TSHZ2: variants seen among roughly 807,000 people sequenced by gnomAD.
The protein encoded by TSHZ2 is teashirt homolog 2.
TSHZ2 carries 21 observed loss-of-function variants against 74.4 expected under a neutral mutation model. The observed-to-expected ratio is 0.28, with a 90% confidence interval of 0.20 to 0.41. The LOEUF is 0.41. Among genes scored for constraint, TSHZ2 ranks in the 10% least tolerant of loss-of-function variants. The probability of loss-of-function intolerance (pLI) is 1.00; values close to 1 mark genes in which losing one functional copy is unlikely to be tolerated. For synonymous variants in TSHZ2, 540 were observed against 515.3 expected (o/e 1.05, Z -0.65); for missense variants, 1,244 against 1,293.5 (o/e 0.96, Z 0.59).
chr20:53,023,947 C>T (rs947704702), intron 1 of TSHZ2, among the ~76,000 whole-genome samples: 2 of 152,178 alleles, frequency 1.3e-5, no homozygotes, highest in African/African-American at 4.8e-5. Flanking sequence ...AAATGTCTGT[C>T]AGCCTTTCCA....
intron 2 of TSHZ2, among the ~76,000 whole-genome samples, chr20:53,358,508 T>C (rs1039866014): frequency 6.6e-6 from 1 of 151,582 alleles, no homozygotes; most frequent in Admixed American, 6.6e-5. Context: ...GCCTGGCTAC[T>C]TTTTTTTGTT....
intron 1 of TSHZ2, among the ~76,000 whole-genome samples, chr20:52,989,594 G>A (rs796226673): frequency 6.6e-5 from 10 of 152,236 alleles, no homozygotes; most frequent in African/African-American, 2.4e-4. Flanking sequence ...TTACTTCCAT[G>A]CACTATTATG....
At chr20:53,259,634 G>A (rs966758776) in intron 2 of TSHZ2, among the ~76,000 whole-genome samples, 1 of 152,204 alleles carries the variant, frequency 6.6e-6, no homozygotes, top group African/African-American at 2.4e-5. Flanking sequence ...CTAGTCCAAT[G>A]AGCTGCCACT....
intron 2 of TSHZ2, among the ~76,000 whole-genome samples, chr20:53,320,064 A>G (rs889900566): frequency 1.3e-5 from 2 of 152,146 alleles, no homozygotes; most frequent in African/African-American, 4.8e-5. Context: ...TTCTGAGCCT[A>G]TGCACTACCA....
Position 52,973,150 on chromosome 20 carries a change from T to G in TSHZ2, c.-144T>G. On this transcript the variant is annotated 5_prime_UTR_variant, in exon 1 of 3. Coordinates refer to ENST00000371497, the MANE Select transcript of TSHZ2 (RefSeq NM_173485.6). ...CGTGGTGGAGGAGTTGCAGGGGGGA[T>G]CGTCAGGGGGACAGAGGCCGAGTGA... is the stretch of plus-strand genomic sequence containing the variant. 2 of 1,018,936 alleles carry G rather than the reference T, an allele frequency of 2.0e-6. No homozygotes were observed. The highest frequency in any genetic ancestry group is 1.7e-5 in the South Asian group (1 of 57,418). 63.1% of individuals were successfully genotyped at this position (1,018,936 alleles called of 1,614,324 possible). A position where few individuals can be genotyped will look rare whatever the true frequency, so the allele number is the denominator to read the frequency against.
chr20:53,333,343 C>G (rs1187066226), intron 2 of TSHZ2, among the ~76,000 whole-genome samples: 3 of 152,166 alleles, frequency 2.0e-5, no homozygotes, highest in African/African-American at 4.8e-5. Flanking sequence ...CAATTAGAGG[C>G]CTTTGAAGAA....
rs1049175398 is a variant in TSHZ2 at position 53,028,261 on chromosome 20, C to T, written c.40+54928C>T. 1.4e-4 allele frequency among the ~76,000 whole-genome samples: 21 copies of T among 152,238 alleles called. 1 individual carries two copies. Among genetic ancestry groups the T allele is most frequent in the African/African-American group, 2.4e-5 (1 of 41,460 alleles). Reference sequence around the variant, plus strand: ...GGAGTTTCCCCACTACATCCCCCTTCACCTGGATGGATTTTCCAAGCAGTG... The same window carrying T: ...GGAGTTTCCCCACTACATCCCCCTTTACCTGGATGGATTTTCCAAGCAGTG... On this transcript the variant is annotated intron_variant, in intron 1 of 2. Transcript: ENST00000371497.
At chr20:53,015,949 T>C (rs1439497315) in intron 1 of TSHZ2, among the ~76,000 whole-genome samples, 2 of 152,118 alleles carry the variant, frequency 1.3e-5, no homozygotes, top group African/African-American at 4.8e-5. Context: ...GAAGAATTTT[T>C]AAAAATAATA....
chr20:53,027,603 T>C (rs559936807), intron 1 of TSHZ2, among the ~76,000 whole-genome samples: 2 of 152,210 alleles, frequency 1.3e-5, no homozygotes, highest in Admixed American at 1.3e-4. Context: ...CAAATAGTTC[T>C]GTTTGGCTGG....
Position 53,255,348 on chromosome 20 carries a change from G to A in TSHZ2, c.1890G>A (p.Glu630=), listed in dbSNP as rs777986531. 5 of 1,614,120 alleles carry A rather than the reference G, an allele frequency of 3.1e-6. No homozygotes were observed. Among genetic ancestry groups the A allele is most frequent in the Admixed American group, 1.7e-5 (1 of 60,024 alleles). The change falls in exon 2 of 3, where the codon GAG becomes GAA. Residue 630 remains glutamate (E), a synonymous_variant. Coordinates refer to ENST00000371497, the MANE Select transcript of TSHZ2 (RefSeq NM_173485.6). This position sits in a 1 kb window ranked among gnomAD's most constrained non-coding sequence, Gnocchi z 4.1. ...HEEASSFSHS[E]GDSFRKSETP... ...AGGCCTCATCTTTCAGCCACAGTGA[G>A]GGCGATTCTTTCCGCAAAAGTGAAA...
Position 53,248,626 on chromosome 20 carries a change from A to G in TSHZ2, c.41-4873A>G, listed in dbSNP as rs1237638994. Among the ~76,000 whole-genome samples the G allele has an allele frequency of 2.0e-5, 3 of 152,354 alleles. No homozygotes were observed. The East Asian group carries it at 5.8e-4, about 29-fold the overall frequency. ...ACTTTATCCATGATAAAATTAGTCC[A>G]TACTTTCAAAGTTCCCATGTGTGAA... On this transcript the variant is annotated intron_variant, in intron 1 of 2. Transcript: ENST00000371497.
chr20:53,321,810 G>A (rs1383083210), intron 2 of TSHZ2, among the ~76,000 whole-genome samples: 1 of 152,116 alleles, frequency 6.6e-6, no homozygotes, highest in Non-Finnish European at 1.5e-5. Flanking sequence ...TCTCACCTCT[G>A]GGGAATTGTT....
chr20:52,979,485 G>T (rs1257955061), intron 1 of TSHZ2, among the ~76,000 whole-genome samples: 1 of 152,086 alleles, frequency 6.6e-6, no homozygotes. Context: ...TTGTCCAAGG[G>T]TATCAGACTG....
intron 1 of TSHZ2, among the ~76,000 whole-genome samples, chr20:53,119,706 C>A (rs904727572): frequency 9.2e-5 from 14 of 152,102 alleles, no homozygotes; most frequent in African/African-American, 3.1e-4. Context: ...GTTAAATAAA[C>A]TGCATTTTTA....
chr20:53,007,643 G>A (rs182902814), intron 1 of TSHZ2, among the ~76,000 whole-genome samples: 9 of 151,314 alleles, frequency 5.9e-5, no homozygotes, highest in African/African-American at 9.7e-5. Flanking sequence ...GTGTATACTC[G>A]TGTGTGTATG....
intron 2 of TSHZ2, among the ~76,000 whole-genome samples, chr20:53,479,216 C>G (rs1015297239): frequency 4.0e-5 from 6 of 149,984 alleles, no homozygotes; most frequent in African/African-American, 1.5e-4. Flanking sequence ...GAAAATGCAC[C>G]AGAACAGGGC....
At chr20:53,135,112 T>A (rs1414067260) in intron 1 of TSHZ2, among the ~76,000 whole-genome samples, 1 of 152,018 alleles carries the variant, frequency 6.6e-6, no homozygotes, top group Non-Finnish European at 1.5e-5. Context: ...AAAGAAGACC[T>A]CAAATTTGTG....
intron 1 of TSHZ2, among the ~76,000 whole-genome samples, chr20:53,119,592 CAT>C (rs566106431): frequency 2.4e-4 from 36 of 152,250 alleles, no homozygotes; most frequent in Non-Finnish European, 3.7e-4. Flanking sequence ...ATGAAATACA[CAT>C]AGACTATCAA....
Position 53,253,960 on chromosome 20 carries a change from T to A in TSHZ2, c.502T>A (p.Trp168Arg), listed in dbSNP as rs1233490073. The A allele has an allele frequency of 6.2e-7, 1 of 1,614,148 alleles. No homozygotes were observed. The highest frequency in any genetic ancestry group is 8.5e-7 in the Non-Finnish European group (1 of 1,180,016). The change falls in exon 2 of 3, where the codon TGG (tryptophan) becomes AGG (arginine). Residue 168 changes from tryptophan to arginine, a missense_variant. Coordinates refer to ENST00000371497, the MANE Select transcript of TSHZ2 (RefSeq NM_173485.6). ...CGGCAGCAACAAGAGTGATTTTGAT[T>A]GGCACCAAGACGCTCTGTCCAAAAG... ...RNGSNKSDFD[W>R]HQDALSKSLQ...
Sources: allele counts gnomAD v4.1 joint callset (sites outside exome capture counted in the v4.1 genomes callset), GRCh38; gene constraint gnomAD v4.1.1; non-coding constraint Gnocchi (gnomAD v3.1); transcripts MANE v1.5; gene names NCBI Gene and HGNC (gene_info 2026-07-23, HGNC 2026-07-21).